MAGEE1: variants seen among roughly 807,000 people sequenced by gnomAD.
MAGEE1 encodes the protein melanoma-associated antigen E1.
In MAGEE1, 3 loss-of-function variants were observed where a neutral mutation model predicts 12.0. That is an observed-to-expected ratio of 0.25 (90% CI 0.11 to 0.65). MAGEE1 has a LOEUF of 0.65. Among genes scored for constraint, MAGEE1 ranks in the 30% least tolerant of loss-of-function variants. The probability of loss-of-function intolerance (pLI) is 0.84; values close to 1 mark genes in which losing one functional copy is unlikely to be tolerated. For synonymous variants in MAGEE1, 414 were observed against 326.1 expected (o/e 1.27, Z -2.91); for missense variants, 729 against 772.2 (o/e 0.94, Z 0.66).
At position 76,429,821 on chromosome X, in the gene MAGEE1, G is replaced by A; in HGVS notation, c.1891G>A (p.Glu631Lys). Residue 631 changes from glutamate to lysine, a missense_variant, in exon 1 of 1, where the codon GAG (glutamate) becomes AAG (lysine). Physicochemically the swap from Glu to Lys is moderately conservative, Grantham distance 56 (BLOSUM62 1). Transcript: ENST00000361470. Reference protein sequence around the residue: ...FGNPKRLLSVEFVWQRYLDYR... With the variant: ...FGNPKRLLSVKFVWQRYLDYR... ...GAACCCAAAGAGACTTCTGTCTGTG[G>A]AGTTTGTATGGCAGCGTTACTTAGA... The A allele has an allele frequency of 1.7e-6, 2 of 1,211,780 alleles. No individual in the cohort carries two copies. The highest frequency in any genetic ancestry group is 2.2e-6 in the Non-Finnish European group (2 of 895,526).
Position 76,430,415 on chromosome X carries a change from A to T in MAGEE1, c.2485A>T (p.Ser829Cys). The change falls in exon 1 of 1, where the codon AGT (serine) becomes TGT (cysteine). Residue 829 changes from serine to cysteine, a missense_variant. Ser to Cys is a moderately radical substitution (Grantham distance 112). Coordinates refer to ENST00000361470, the MANE Select transcript of MAGEE1 (RefSeq NM_020932.3). ...EMEETEEIVD[S>C]PNRPGNNFLM... ...GGAAGAAACTGAGGAGATCGTAGAC[A>T]GTCCAAACAGGCCTGGCAACAACTT... The T allele has an allele frequency of 8.3e-7, 1 of 1,211,753 alleles. No individual in the cohort carries two copies. Among genetic ancestry groups the T allele is most frequent in the Non-Finnish European group, 1.1e-6 (1 of 895,565 alleles).
In MAGEE1 at chrX:76,428,778, C is replaced by A. The variant is rs1556839442; in HGVS notation, c.848C>A (p.Ser283Tyr). 1 of 1,210,593 alleles carries A rather than the reference C, an allele frequency of 8.3e-7. No homozygotes were observed. Reference sequence around the variant, plus strand: ...GCCGCCTCTGACGGACAAAGCATCTCCTTGGTGCCCACCCGCGGTAAGGGA... The same window carrying A: ...GCCGCCTCTGACGGACAAAGCATCTACTTGGTGCCCACCCGCGGTAAGGGA... ...LPAASDGQSI[S>Y]LVPTRGKGSS... Residue 283 changes from serine (S) to tyrosine (Y), a missense_variant, in exon 1 of 1, where the codon TCC becomes TAC. By Grantham distance (144) the Ser-to-Tyr change is moderately radical. Transcript: ENST00000361470.
chrX:76,428,520 G>A lies in MAGEE1; in HGVS notation c.590G>A (p.Ser197Asn), dbSNP rs1236084142. ...GTGCCCACCCCTGATGAGGGACCAA[G>A]CACCTCCGTGCTGCCTACACCTGGT... Reference protein sequence around the residue: ...SVVPTPDEGPSTSVLPTPGEG... With the variant: ...SVVPTPDEGPNTSVLPTPGEG... The change falls in exon 1 of 1, where the codon AGC becomes AAC. Residue 197 changes from serine to asparagine, a missense_variant. By Grantham distance (46) the Ser-to-Asn change is conservative. This residue lies in a region of MAGEE1 where 473 missense variants were observed against 423.7 expected (regional missense o/e 1.12). Coordinates refer to ENST00000361470, the MANE Select transcript of MAGEE1 (RefSeq NM_020932.3). The A allele has an allele frequency of 5.3e-5, 64 of 1,208,535 alleles. No homozygotes were observed. The highest frequency in any genetic ancestry group is 6.9e-5 in the Non-Finnish European group (62 of 894,553).
rs782660071 is a variant in MAGEE1 at position 76,428,787 on chromosome X, CCACCCGCGGTAAGGGATCAAG to C, written c.862_882del (p.Arg288_Thr294del). On this transcript the variant is annotated inframe_deletion, in exon 1 of 1. Transcript: ENST00000361470. ...GACGGACAAAGCATCTCCTTGGTGC[CCACCCGCGGTAAGGGATCAAG>C]CACCTCCGTGCCCCCCACCGCCACC... 7.0e-5 allele frequency: 85 copies of C among 1,208,870 alleles called. No homozygotes were observed. Among genetic ancestry groups the C allele is most frequent in the Non-Finnish European group, 8.9e-5 (80 of 894,764 alleles).
In MAGEE1 at chrX:76,430,357, T is replaced by C. The variant is rs782320513; in HGVS notation, c.2427T>C (p.Asn809=). ...AACTAGTGGTACTTGATCCCAGGAA[T>C]CACTCCTATACTCTGTACAACCGAA... ...GTELVVLDPR[N]HSYTLYNRRE... is the part of the protein sequence containing the mutation. Residue 809 remains asparagine, a synonymous_variant, in exon 1 of 1, where the codon AAT becomes AAC. Transcript: ENST00000361470. 1.7e-6 allele frequency: 2 copies of C among 1,211,954 alleles called. No individual in the cohort carries two copies. Among genetic ancestry groups the C allele is most frequent in the African/African-American group, 1.7e-5 (1 of 57,835 alleles).
chrX:76,428,928 C>T lies in MAGEE1; in HGVS notation c.998C>T (p.Pro333Leu). 8.3e-7 allele frequency: 1 copy of T among 1,206,145 alleles called. No individual in the cohort carries two copies. Among genetic ancestry groups the T allele is most frequent in the Non-Finnish European group, 1.1e-6 (1 of 893,909 alleles). ...GGTGGGGGACTGAGCACCTCCGTGCCGCCCACCGCCACTGAGGAGTTGAGC... is the reference window on the plus strand; with the variant it reads ...GGTGGGGGACTGAGCACCTCCGTGCTGCCCACCGCCACTGAGGAGTTGAGC... ...TPGGGLSTSV[P>L]PTATEELSTS... is the part of the protein sequence containing the mutation. Residue 333 changes from proline (P) to leucine (L), a missense_variant, in exon 1 of 1, where the codon CCG (proline) becomes CTG (leucine). Coordinates refer to ENST00000361470, the MANE Select transcript of MAGEE1 (RefSeq NM_020932.3).
Position 76,430,451 on chromosome X carries a change from G to A in MAGEE1, c.2521G>A (p.Val841Ile). ...NRPGNNFLMQ[V>I]LSFIFIMGNH... ...GCCTGGCAACAACTTTTTGATGCAG[G>A]TCCTAAGCTTCATCTTTATTATGGG... Residue 841 changes from valine to isoleucine, a missense_variant, in exon 1 of 1, where the codon GTC becomes ATC. This residue lies in a region of MAGEE1 where 101 missense variants were observed against 161.3 expected (regional missense o/e 0.63). Coordinates refer to ENST00000361470, the MANE Select transcript of MAGEE1 (RefSeq NM_020932.3). The A allele has an allele frequency of 5.0e-6, 6 of 1,210,221 alleles. No homozygotes were observed. The highest frequency in any genetic ancestry group is 6.7e-6 in the Non-Finnish European group (6 of 894,919).
rs1923240636 is a variant in MAGEE1 at position 76,427,846 on chromosome X, G to A, written c.-85G>A. On this transcript the variant is annotated 5_prime_UTR_variant, in exon 1 of 1. Transcript: ENST00000361470. The stretch of plus-strand genomic sequence containing the variant: ...ACCGCTAGCGGCAGTTTTGTGCCGA[G>A]GCACCTACACACCTCCCGTCCTCTC... 1 of 1,038,994 alleles carries A rather than the reference G, an allele frequency of 9.6e-7. No individual in the cohort carries two copies. The highest frequency in any genetic ancestry group is 1.3e-6 in the Non-Finnish European group (1 of 770,568). 85.6% of individuals were successfully genotyped at this position (1,038,994 alleles called of 1,213,427 possible). A position where few individuals can be genotyped will look rare whatever the true frequency, so the allele number is the denominator to read the frequency against.
Position 76,429,069 on chromosome X carries a change from T to G in MAGEE1, c.1139T>G (p.Val380Gly). 1 of 1,211,992 alleles carries G rather than the reference T, an allele frequency of 8.3e-7. No individual in the cohort carries two copies. The highest frequency in any genetic ancestry group is 1.1e-6 in the Non-Finnish European group (1 of 895,439). ...GCCTCTGATGGATCGGACACCTCCG[T>G]GCCGCCCACTCCTGGTGAGGGCGCA... is the stretch of plus-strand genomic sequence containing the variant. ...PTASDGSDTS[V>G]PPTPGEGAST... The change falls in exon 1 of 1, where the codon GTG (valine) becomes GGG (glycine). Residue 380 changes from valine (V) to glycine (G), a missense_variant. By Grantham distance (109) the Val-to-Gly change is moderately radical. Transcript: ENST00000361470.
In MAGEE1 at chrX:76,430,408, C is replaced by T. The variant is rs782081568; in HGVS notation, c.2478C>T (p.Ile826=). The change falls in exon 1 of 1, where the codon ATC becomes ATT. Residue 826 remains isoleucine, a synonymous_variant. Transcript: ENST00000361470. ...GGGAGATGGAAGAAACTGAGGAGAT[C>T]GTAGACAGTCCAAACAGGCCTGGCA... ...NRREMEETEE[I]VDSPNRPGNN... 8 of 1,209,878 alleles carry T rather than the reference C, an allele frequency of 6.6e-6. No individual in the cohort carries two copies. In the East Asian group the frequency reaches 1.8e-4, roughly 27 times the overall value.
Position 76,430,277 on chromosome X carries a change from T to C in MAGEE1, c.2347T>C (p.Phe783Leu). The C allele has an allele frequency of 8.3e-7, 1 of 1,211,938 alleles. No individual in the cohort carries two copies. Among genetic ancestry groups the C allele is most frequent in the Non-Finnish European group, 1.1e-6 (1 of 895,595 alleles). Reference sequence around the variant, plus strand: ...CATTGGCCGAGAGTGCAGCAAAGTGTTCCCTGACCTCCTGAATCGTGCTGC... The same window carrying C: ...CATTGGCCGAGAGTGCAGCAAAGTGCTCCCTGACCTCCTGAATCGTGCTGC... Reference protein sequence around the residue: ...YYIGRECSKVFPDLLNRAART... With the variant: ...YYIGRECSKVLPDLLNRAART... Residue 783 changes from phenylalanine (F) to leucine (L), a missense_variant, in exon 1 of 1, where the codon TTC becomes CTC. Around this residue, in one of 4 missense-constraint regions of MAGEE1, gnomAD observed 101 missense variants for 161.3 expected, o/e 0.63. Coordinates refer to ENST00000361470, the MANE Select transcript of MAGEE1 (RefSeq NM_020932.3).
chrX:76,430,298 G>A lies in MAGEE1; in HGVS notation c.2368G>A (p.Ala790Thr). The A allele has an allele frequency of 1.7e-6, 2 of 1,212,085 alleles. No homozygotes were observed. The highest frequency in any genetic ancestry group is 2.2e-6 in the Non-Finnish European group (2 of 895,622). The change falls in exon 1 of 1, where the codon GCT (alanine) becomes ACT (threonine). Residue 790 changes from alanine (A) to threonine (T), a missense_variant. By Grantham distance (58) the Ala-to-Thr change is moderately conservative. Transcript: ENST00000361470. ...AGTGTTCCCTGACCTCCTGAATCGT[G>A]CTGCCCGCACCCTGAACCATGTCTA... Reference protein sequence around the residue: ...SKVFPDLLNRAARTLNHVYGT... With the variant: ...SKVFPDLLNRTARTLNHVYGT...
Position 76,428,306 on chromosome X carries a change from A to C in MAGEE1, c.376A>C (p.Thr126Pro), listed in dbSNP as rs1013305094. 9 of 1,209,389 alleles carry C rather than the reference A, an allele frequency of 7.4e-6. No homozygotes were observed. Among genetic ancestry groups the C allele is most frequent in the Admixed American group, 4.4e-5 (2 of 45,915 alleles). Residue 126 changes from threonine (T) to proline (P), a missense_variant, in exon 1 of 1, where the codon ACC (threonine) becomes CCC (proline). Physicochemically the swap from Thr to Pro is conservative, Grantham distance 38. This residue lies in a region of MAGEE1 where 473 missense variants were observed against 423.7 expected (regional missense o/e 1.12). Transcript: ENST00000361470. ...GPPTISKGLC[T>P]SVTLAASEGR... is the part of the protein sequence containing the mutation. Reference sequence around the variant, plus strand: ...TCCCACCATCTCTAAGGGGCTGTGCACCTCTGTGACGCTTGCCGCCTCTGA... The same window carrying C: ...TCCCACCATCTCTAAGGGGCTGTGCCCCTCTGTGACGCTTGCCGCCTCTGA...
rs1923249105 is a variant in MAGEE1 at position 76,428,019 on chromosome X, C to T, written c.89C>T (p.Ala30Val). 1.7e-6 allele frequency: 2 copies of T among 1,191,977 alleles called. No individual in the cohort carries two copies. The highest frequency in any genetic ancestry group is 6.1e-5 in the East Asian group (2 of 32,897). ...AACAGCAGCTGGGGCGAAATGCAGG[C>T]CCCTAATGCCCCCGGTCTCCCCGCT... ...AHNSSWGEMQ[A>V]PNAPGLPADV... The change falls in exon 1 of 1, where the codon GCC (alanine) becomes GTC (valine). Residue 30 changes from alanine to valine, a missense_variant. Coordinates refer to ENST00000361470, the MANE Select transcript of MAGEE1 (RefSeq NM_020932.3).
rs782532056 is a variant in MAGEE1, at chrX:76,428,893, G to T, written c.963G>T (p.Pro321=). The change falls in exon 1 of 1, where the codon CCG becomes CCT. Residue 321 remains proline (P), a synonymous_variant. Coordinates refer to ENST00000361470, the MANE Select transcript of MAGEE1 (RefSeq NM_020932.3). ...GTGAGGGATCGAGCACCTCCGTGCC[G>T]CCCACCCCTGGTGGGGGACTGAGCA... ...TAGEGSSTSV[P]PTPGGGLSTS... is the part of the protein sequence containing the mutation. The T allele has an allele frequency of 2.7e-5, 33 of 1,208,547 alleles. No homozygotes were observed. Among genetic ancestry groups the T allele is most frequent in the East Asian group, 2.7e-4 (9 of 33,656 alleles).
Position 76,427,899 on chromosome X carries a change from G to A in MAGEE1, c.-32G>A, listed in dbSNP as rs1402667839. The A allele has an allele frequency of 6.0e-6, 7 of 1,165,340 alleles. No individual in the cohort carries two copies. The African/African-American group carries it at 8.9e-5, about 15-fold the overall frequency. On this transcript the variant is annotated 5_prime_UTR_variant, in exon 1 of 1. Coordinates refer to ENST00000361470, the MANE Select transcript of MAGEE1 (RefSeq NM_020932.3). ...CCAGATCGCGGGCCTGTCGGTGTCT[G>A]CTCCTACACGCCAACGCCGGTGGGC...
In MAGEE1 at chrX:76,429,192, C is replaced by T. The variant is rs781948559; in HGVS notation, c.1262C>T (p.Ser421Phe). ...GPSTLFSSSA[S>F]VDRNPSKCSL... ...AGCACATTGTTTAGCTCTAGTGCTT[C>T]TGTGGACCGGAACCCCTCCAAGTGT... The change falls in exon 1 of 1, where the codon TCT becomes TTT. Residue 421 changes from serine (S) to phenylalanine (F), a missense_variant. By Grantham distance (155) the Ser-to-Phe change is radical. Coordinates refer to ENST00000361470, the MANE Select transcript of MAGEE1 (RefSeq NM_020932.3). The T allele has an allele frequency of 7.4e-6, 9 of 1,212,212 alleles. No homozygotes were observed. The highest frequency in any genetic ancestry group is 1.0e-5 in the Non-Finnish European group (9 of 895,609).
Position 76,430,813 on chromosome X carries a change from A to T in MAGEE1, c.*9A>T, listed in dbSNP as rs781937662. The T allele has an allele frequency of 2.1e-6, 2 of 955,017 alleles. No individual in the cohort carries two copies. The highest frequency in any genetic ancestry group is 5.8e-5 in the Admixed American group (2 of 34,758). The allele number at this position is 955,017 out of a possible 1,213,427, so 78.7% of individuals were successfully genotyped here. ...TTCACAACTTCAGGTAGAGGAATGC[A>T]TGGCAGTCAGAGGGGCCTTGCAAGG... On this transcript the variant is annotated 3_prime_UTR_variant, in exon 1 of 1. Coordinates refer to ENST00000361470, the MANE Select transcript of MAGEE1 (RefSeq NM_020932.3).
chrX:76,428,063 G>A lies in MAGEE1; in HGVS notation c.133G>A (p.Val45Ile). The A allele has an allele frequency of 8.5e-7, 1 of 1,179,389 alleles. No individual in the cohort carries two copies. The highest frequency in any genetic ancestry group is 1.1e-6 in the Non-Finnish European group (1 of 879,206). ...CCCCGCTGATGTGCCAGGCTCAGAC[G>A]TCCCCCAGGGTCCCAGCGATTCCCA... ...GLPADVPGSD[V>I]PQGPSDSQIL... is the part of the protein sequence containing the mutation. The change falls in exon 1 of 1, where the codon GTC becomes ATC. Residue 45 changes from valine to isoleucine, a missense_variant. Coordinates refer to ENST00000361470, the MANE Select transcript of MAGEE1 (RefSeq NM_020932.3).
Sources: gnomAD v4.1 joint callset for allele counts on GRCh38, gnomAD v4.1.1 for gene constraint, gnomAD v4.1.1 regional missense constraint, MANE v1.5 for transcripts, NCBI Gene and HGNC (gene_info 2026-07-23, HGNC 2026-07-21) for gene names.